Variants in ITCH observed in about 807,000 individuals in gnomAD.
The protein encoded by ITCH is E3 ubiquitin-protein ligase Itchy homolog.
In ITCH, 28 loss-of-function variants were observed where a neutral mutation model predicts 126.8. The ratio of observed to expected loss-of-function variants is 0.22; its 90% CI spans 0.16 to 0.30. The LOEUF (loss-of-function observed/expected upper bound fraction) is 0.30, where lower values mean the gene tolerates loss of function less well. Ranked by LOEUF, ITCH falls within the 10% of genes least tolerant of loss-of-function variation. The probability of loss-of-function intolerance (pLI) is 1.00; values close to 1 mark genes in which losing one functional copy is unlikely to be tolerated. For missense variants in ITCH, 631 were observed against 1,032.4 expected (o/e 0.61, Z 5.33); for synonymous variants, 342 against 340.0 (o/e 1.01, Z -0.06).
intron 2 of ITCH, among the ~76,000 whole-genome samples, chr20:34,386,072 C>A (rs575090667): frequency 1.1e-3 from 161 of 152,032 alleles, no homozygotes; most frequent in Non-Finnish European, 1.8e-3. Flanking sequence ...TTCAGTAGCC[C>A]ATGCACCAAA....
chr20:34,424,227 G>C (rs368255193), intron 6 of ITCH, among the ~76,000 whole-genome samples: 1 of 152,120 alleles, frequency 6.6e-6, no homozygotes, highest in African/African-American at 2.4e-5. Flanking sequence ...TAGTGCATGA[G>C]TAATATACCT....
intron 3 of ITCH, among the ~76,000 whole-genome samples, chr20:34,396,388 G>A (rs1408379108): frequency 2.0e-5 from 3 of 151,976 alleles, no homozygotes; most frequent in Non-Finnish European, 4.4e-5. Flanking sequence ...CAATATATGA[G>A]GATTCCGATT....
chr20:34,456,214 ATTTTTTT>A (rs1174099069), intron 12 of ITCH, among the ~76,000 whole-genome samples: 1 of 17,714 alleles, frequency 5.6e-5, no homozygotes, highest in South Asian at 4.7e-3. Context: ...ATATATATAT[ATTTTTTT>A]TTTTTTTTTT....
At chr20:34,461,241 A>G (rs1005907049) in intron 13 of ITCH, among the ~76,000 whole-genome samples, 1 of 152,210 alleles carries the variant, frequency 6.6e-6, no homozygotes, top group African/African-American at 2.4e-5. Context: ...TGAATGCCAT[A>G]TGAAGAACTT....
chr20:34,507,619 A>G, intron 24 of ITCH, 76 bp from the exon 25 acceptor site: 2 of 1,104,570 alleles, frequency 1.8e-6, no homozygotes, highest in Non-Finnish European at 2.8e-6. Flanking sequence ...ATAGTAGTGT[A>G]TAAAGTAGTA....
At position 34,469,838 on chromosome 20, in the gene ITCH, A is replaced by G. The variant is rs2207964; in HGVS notation, c.1425-210A>G. Among the ~76,000 whole-genome samples, 13 of 152,344 alleles carry G rather than the reference A, an allele frequency of 8.5e-5. 1 individual carries two copies. The East Asian group carries it at 2.3e-3, about 27-fold the overall frequency. ...AAATCCCACAACAGTAGTTTCAACA[A>G]AATCAAAGTTTTTTGTTTGTTTTTT... On this transcript the variant is annotated intron_variant, in intron 14 of 24. Coordinates refer to ENST00000374864, the MANE Select transcript of ITCH (RefSeq NM_031483.7).
chr20:34,364,967 A>C (rs1387254567), intron 1 of ITCH, among the ~76,000 whole-genome samples: 4 of 149,992 alleles, frequency 2.7e-5, no homozygotes, highest in Admixed American at 2.7e-4. Context: ...TGGGAGGCCG[A>C]GGTGGGCGGA....
intron 2 of ITCH, among the ~76,000 whole-genome samples, chr20:34,392,960 G>A (rs1197580202): frequency 6.6e-6 from 1 of 152,040 alleles, no homozygotes; most frequent in Non-Finnish European, 1.5e-5. Flanking sequence ...AAGTTGCTTG[G>A]GACATGTTAT....
In ITCH at chr20:34,376,377, C is replaced by T. The variant is rs57654696; in HGVS notation, c.-22+6907C>T. Among the ~76,000 whole-genome samples, 511 of 151,728 alleles carry T rather than the reference C, an allele frequency of 3.4e-3. 2 individuals are homozygous for T. The highest frequency in any genetic ancestry group is 0.012 in the African/African-American group (482 of 41,336). The stretch of plus-strand genomic sequence containing the variant: ...GGTTGAGACTGCAGTGAGCTCATGT[C>T]GCTGCACTGATATCATGTCACTGAT... On this transcript the variant is annotated intron_variant, in intron 2 of 24. Coordinates refer to ENST00000374864, the MANE Select transcript of ITCH (RefSeq NM_031483.7).
intron 7 of ITCH, among the ~76,000 whole-genome samples, chr20:34,429,411 G>A (rs376132619): frequency 6.6e-6 from 1 of 152,122 alleles, no homozygotes; most frequent in African/African-American, 2.4e-5. Context: ...TACTATTTTA[G>A]TATGGCCCTG....
chr20:34,474,167 C>CT (rs377766396), intron 16 of ITCH, among the ~76,000 whole-genome samples: 7 of 149,928 alleles, frequency 4.7e-5, no homozygotes, highest in African/African-American at 7.3e-5. Context: ...TGCATACTTT[C>CT]TTTTTTTTTT....
intron 3 of ITCH, chr20:34,402,757 C>A: frequency 3.4e-6 from 1 of 296,886 alleles, no homozygotes; most frequent in South Asian, 4.6e-5. Flanking sequence ...CTCAGCTTCT[C>A]CACCGGGTTG....
chr20:34,374,419 A>G (rs951428078), intron 2 of ITCH, among the ~76,000 whole-genome samples: 2 of 152,152 alleles, frequency 1.3e-5, no homozygotes, highest in Non-Finnish European at 2.9e-5. Context: ...TCTCATCTGT[A>G]AATTGGGAAT....
intron 3 of ITCH, among the ~76,000 whole-genome samples, chr20:34,399,253 A>G (rs1482991992): frequency 6.6e-6 from 1 of 152,068 alleles, no homozygotes; most frequent in Non-Finnish European, 1.5e-5. Context: ...TTAGCCGGGC[A>G]TGGTGGCACA....
At chr20:34,387,403 G>T (rs2038323552) in intron 2 of ITCH, among the ~76,000 whole-genome samples, 1 of 152,110 alleles carries the variant, frequency 6.6e-6, no homozygotes, top group South Asian at 2.1e-4. Context: ...AAGGCAGGAG[G>T]ACGACTTACT....
At chr20:34,378,499 T>TA (rs759045132) in intron 2 of ITCH, among the ~76,000 whole-genome samples, 260 of 110,824 alleles carry the variant, frequency 2.3e-3, no homozygotes, top group South Asian at 6.9e-3. Flanking sequence ...AAAAAAGATG[T>TA]AAAAAAAAAA....
At chr20:34,366,460 A>G (rs773150228) in intron 1 of ITCH, among the ~76,000 whole-genome samples, 1 of 152,106 alleles carries the variant, frequency 6.6e-6, no homozygotes, top group East Asian at 1.9e-4. Flanking sequence ...CCTGTGTTCA[A>G]GTGGTCCTCC....
intron 16 of ITCH, 41 bp from the exon 17 acceptor site, chr20:34,477,731 A>T (rs371442075): frequency 4.4e-6 from 7 of 1,592,308 alleles, no homozygotes; most frequent in Non-Finnish European, 6.0e-6. Flanking sequence ...CAGTGTTTCA[A>T]TAGCTTTTTT....
intron 12 of ITCH, chr20:34,450,948 T>C (rs557992431): frequency 6.6e-6 from 1 of 152,320 alleles, no homozygotes; most frequent in African/African-American, 2.4e-5. Flanking sequence ...TATTAGGCTA[T>C]ACATATAACT....
Sources: gnomAD v4.1 joint callset for allele counts (sites outside exome capture counted in the v4.1 genomes callset) on GRCh38, gnomAD v4.1.1 for gene constraint, MANE v1.5 for transcripts, NCBI Gene and HGNC (gene_info 2026-07-23, HGNC 2026-07-21) for gene names.